ACIN1: variants seen among roughly 807,000 people sequenced by gnomAD.
ACIN1 encodes the protein apoptotic chromatin condensation inducer in the nucleus.
In ACIN1, 16 loss-of-function variants were observed where a neutral mutation model predicts 146.6. That is an observed-to-expected ratio of 0.11 (90% CI 0.07 to 0.17). ACIN1 has a LOEUF of 0.17. ACIN1 is among the 10% of genes least tolerant of loss of function. ACIN1 has a pLI of 1.00. For synonymous variants in ACIN1, 569 were observed against 582.7 expected (o/e 0.98, Z 0.34); for missense variants, 1,357 against 1,609.3 (o/e 0.84, Z 2.68).
At position 23,064,492 on chromosome 14, in the gene ACIN1, T is replaced by A. The variant is rs1368626566; in HGVS notation, c.2309-4A>T. On this transcript the variant is annotated splice_region_variant and splice_polypyrimidine_tract_variant and intron_variant, in intron 10 of 18. Transcript: ENST00000605057. ...GCTGGCACCCCCTTGGTAGCTGCTG[T>A]CCCCAAGAAATAGACCCAACAGTTA... The A allele has an allele frequency of 1.9e-6, 3 of 1,613,834 alleles. No individual in the cohort carries two copies. The highest frequency in any genetic ancestry group is 2.5e-6 in the Non-Finnish European group (3 of 1,179,904).
chr14:23,087,060 G>A (rs1336393224), intron 4 of ACIN1, among the ~76,000 whole-genome samples: 9 of 152,118 alleles, frequency 5.9e-5, no homozygotes, highest in Admixed American at 2.6e-4. Context: ...TGCCAGTAGC[G>A]TTTAGAAAAA....
Position 23,068,206 on chromosome 14 carries a change from C to A in ACIN1, c.2265+1270G>T, listed in dbSNP as rs1291632649. 1.0e-6 allele frequency: 1 copy of A among 985,918 alleles called. No individual in the cohort carries two copies. Among genetic ancestry groups the A allele is most frequent in the Non-Finnish European group, 1.2e-6 (1 of 829,962 alleles). 61.1% of individuals were successfully genotyped at this position (985,918 alleles called of 1,614,324 possible). ...GTCACAGCTTAAGTAGAGGGTCCCA[C>A]TCAGTGTTTTACAGCATGGCACTGC... On this transcript the variant is annotated intron_variant, in intron 9 of 18. Coordinates refer to ENST00000605057, the MANE Select transcript of ACIN1 (RefSeq NM_001386863.1). The surrounding 1 kb of genome is among the most constrained non-coding windows in gnomAD (Gnocchi z 4.3).
At chr14:23,066,034 A>G in intron 9 of ACIN1, 26 bp from the exon 10 acceptor site, 1 of 1,610,016 alleles carries the variant, frequency 6.2e-7, no homozygotes, top group Non-Finnish European at 8.5e-7. Flanking sequence ...AAAGGGGAAA[A>G]AAAAGAGAAA....
At chr14:23,074,748 A>C (rs921112931) in intron 8 of ACIN1, among the ~76,000 whole-genome samples, 11 of 152,220 alleles carry the variant, frequency 7.2e-5, no homozygotes, top group African/African-American at 2.4e-4. Context: ...GTACACAAAG[A>C]AGCCCAGAAG....
chr14:23,091,087 T>G lies in ACIN1; in HGVS notation c.205-454A>C, dbSNP rs974576540. On this transcript the variant is annotated intron_variant, in intron 2 of 18. Transcript: ENST00000605057. ...ACTCGGCTGATTTTTGTATTTTTAGTAGAGACGGGGTTTCACTATGTTGGT... is the reference window on the plus strand; with the variant it reads ...ACTCGGCTGATTTTTGTATTTTTAGGAGAGACGGGGTTTCACTATGTTGGT... Among the ~76,000 whole-genome samples the G allele has an allele frequency of 9.2e-5, 14 of 152,008 alleles. No homozygotes were observed. The East Asian group carries it at 2.5e-3, about 27-fold the overall frequency.
upstream of ACIN1, chr14:23,095,238 G>A (rs377393615): frequency 2.5e-6 from 4 of 1,611,066 alleles, 1 homozygote; most frequent in South Asian, 4.4e-5. Flanking sequence ...TTACCACTCA[G>A]AACTCCCCGG....
chr14:23,071,746 C>G (rs2047662568), intron 8 of ACIN1: 1 of 568,022 alleles, frequency 1.8e-6, no homozygotes, highest in Non-Finnish European at 3.0e-6. Flanking sequence ...GAGGCTTAAC[C>G]CCCCAGGGCT....
At chr14:23,075,113 T>C (rs2047764668) in intron 8 of ACIN1, among the ~76,000 whole-genome samples, 1 of 152,168 alleles carries the variant, frequency 6.6e-6, no homozygotes, top group Admixed American at 6.5e-5. Flanking sequence ...GGAATATCAA[T>C]TACACCATCA....
chr14:23,064,532 C>T (rs1270125964), intron 10 of ACIN1, 44 bp from the exon 11 acceptor site: 10 of 1,607,296 alleles, frequency 6.2e-6, no homozygotes, highest in Non-Finnish European at 7.7e-6. Context: ...GTCTCAGGAC[C>T]TCTGCTAGTT....
intron 1 of ACIN1, chr14:23,094,711 G>A (rs981522383): frequency 1.6e-5 from 10 of 644,260 alleles, no homozygotes; most frequent in African/African-American, 3.7e-5. Context: ...GGGGGTGGGG[G>A]AAGGAGGAAG....
At chr14:23,069,447 C>T in intron 9 of ACIN1, 29 bp downstream of exon 9, 1 of 1,607,578 alleles carries the variant, frequency 6.2e-7, no homozygotes, top group Non-Finnish European at 8.5e-7. Context: ...TCCTGCCCAC[C>T]CGCCCCAATA....
At chr14:23,071,949 G>A (rs960147466) in intron 8 of ACIN1, among the ~76,000 whole-genome samples, 2 of 152,184 alleles carry the variant, frequency 1.3e-5, no homozygotes, top group Admixed American at 1.3e-4. Flanking sequence ...AAAGAAGGAT[G>A]GTAATGAAAG....
chr14:23,058,964 G>A lies in ACIN1; in HGVS notation c.*184C>T. Reference sequence around the variant, plus strand: ...GAGGGAGGGTCGGGCTAAGTCCCAAGAGATAGGTTAAGGGGGTGTGTTTGG... The same window carrying A: ...GAGGGAGGGTCGGGCTAAGTCCCAAAAGATAGGTTAAGGGGGTGTGTTTGG... On this transcript the variant is annotated 3_prime_UTR_variant, in exon 19 of 19. Transcript: ENST00000605057. 1.7e-6 allele frequency: 1 copy of A among 605,456 alleles called. No homozygotes were observed. The highest frequency in any genetic ancestry group is 2.9e-6 in the Non-Finnish European group (1 of 345,456). 37.5% of individuals were successfully genotyped at this position (605,456 alleles called of 1,614,324 possible). A position where few individuals can be genotyped will look rare whatever the true frequency, so the allele number is the denominator to read the frequency against.
chr14:23,064,015 C>T, intron 12 of ACIN1, 90 bp downstream of exon 12: 1 of 1,547,558 alleles, frequency 6.5e-7, no homozygotes, highest in East Asian at 2.3e-5. Flanking sequence ...AGGGAAGTTC[C>T]CTCCAAAGAC....
Position 23,080,554 on chromosome 14 carries a change from T to C in ACIN1, c.781A>G (p.Met261Val), listed in dbSNP as rs2047917561. The C allele has an allele frequency of 6.2e-7, 1 of 1,614,010 alleles. No individual in the cohort carries two copies. Among genetic ancestry groups the C allele is most frequent in the African/African-American group, 1.3e-5 (1 of 74,902 alleles). Residue 261 changes from methionine (M) to valine (V), a missense_variant, in exon 6 of 19, where the codon ATG becomes GTG. Around this residue, in one of 4 missense-constraint regions of ACIN1, gnomAD observed 771 missense variants for 746.6 expected, o/e 1.03. Coordinates refer to ENST00000605057, the MANE Select transcript of ACIN1 (RefSeq NM_001386863.1). ...EEIPRVKPEE[M>V]MDERPKTRSQ... ...CTTGTTTTGGGTCTCTCATCCATCATCTCCTCTGGTTTTACTCTAGGTATC... is the reference window on the plus strand; with the variant it reads ...CTTGTTTTGGGTCTCTCATCCATCACCTCCTCTGGTTTTACTCTAGGTATC...
rs371108687 is a variant in ACIN1 at position 23,061,342 on chromosome 14, C to T, written c.3380G>A (p.Arg1127His). ...TTCTTTAGACTTCGCACGTTCCTTGCGGCGGCGGTCACGGGACCTTGATCG... is the reference window on the plus strand; with the variant it reads ...TTCTTTAGACTTCGCACGTTCCTTGTGGCGGCGGTCACGGGACCTTGATCG... ...RSRSRSRDRR[R>H]KERAKSKEKK... Residue 1127 changes from arginine to histidine, a missense_variant, in exon 17 of 19, where the codon CGC (arginine) becomes CAC (histidine). By Grantham distance (29) the Arg-to-His change is conservative. Coordinates refer to ENST00000605057, the MANE Select transcript of ACIN1 (RefSeq NM_001386863.1). The T allele has an allele frequency of 5.1e-5, 82 of 1,614,098 alleles. 1 individual carries two copies. In the South Asian group the frequency reaches 7.8e-4, roughly 15 times the overall value.
chr14:23,095,225 C>T (rs2140268843), upstream of ACIN1: 4 of 1,613,616 alleles, frequency 2.5e-6, no homozygotes, highest in South Asian at 3.3e-5. Flanking sequence ...CTCTACCCCT[C>T]GATTACCACT....
chr14:23,094,612 G>GCCCC lies in ACIN1; in HGVS notation c.138+359_138+362dup, dbSNP rs1212139632. On this transcript the variant is annotated intron_variant, in intron 1 of 18. Coordinates refer to ENST00000605057, the MANE Select transcript of ACIN1 (RefSeq NM_001386863.1). ...CCCTAACTCCGACCCAGCCCAACTC[G>GCCCC]CCCCCCTCAGGCCAGCAACGCCGTA... 3.4e-6 allele frequency: 3 copies of GCCCC among 875,360 alleles called. No individual in the cohort carries two copies. The African/African-American group carries it at 5.5e-5, about 16-fold the overall frequency. The allele number at this position is 875,360 out of a possible 1,614,324, so 54.2% of individuals were successfully genotyped here.
chr14:23,089,781 A>G (rs1482026302), intron 4 of ACIN1, among the ~76,000 whole-genome samples: 1 of 152,236 alleles, frequency 6.6e-6, no homozygotes, highest in Non-Finnish European at 1.5e-5. Flanking sequence ...TTCGTAAAAC[A>G]CTGAGAAGGT....
Sources: allele counts gnomAD v4.1 joint callset (sites outside exome capture counted in the v4.1 genomes callset), GRCh38; gene constraint gnomAD v4.1.1; regional missense constraint gnomAD v4.1.1; non-coding constraint Gnocchi (gnomAD v3.1); transcripts MANE v1.5; gene names NCBI Gene and HGNC (gene_info 2026-07-23, HGNC 2026-07-21).